GNG12: variants seen among roughly 807,000 people sequenced by gnomAD.
GNG12 encodes the protein G protein subunit gamma 12.
For missense variants in GNG12, 69 were observed against 83.8 expected (o/e 0.82, Z 0.69); for synonymous variants, 28 against 29.7 (o/e 0.94, Z 0.19).
chr1:67,792,209 T>C (rs1050270700), intron 1 of GNG12, among the ~76,000 whole-genome samples: 12 of 146,118 alleles, frequency 8.2e-5, no homozygotes, highest in African/African-American at 3.0e-4. Flanking sequence ...GGAATGTCAA[T>C]GCCGTAAGAA....
chr1:67,805,006 T>TA (rs1646887006), intron 1 of GNG12, among the ~76,000 whole-genome samples: 1 of 152,152 alleles, frequency 6.6e-6, no homozygotes, highest in Non-Finnish European at 1.5e-5. Context: ...CAGAGGAAAC[T>TA]ATTTTTCCAG....
At chr1:67,726,111 C>T (rs1266389719) in intron 2 of GNG12, among the ~76,000 whole-genome samples, 3 of 152,216 alleles carry the variant, frequency 2.0e-5, no homozygotes, top group Admixed American at 6.5e-5. Context: ...ATTTCAGCCT[C>T]AGGTTTCTTG....
chr1:67,753,930 G>T (rs1043727978), intron 2 of GNG12, among the ~76,000 whole-genome samples: 1 of 152,102 alleles, frequency 6.6e-6, no homozygotes, highest in African/African-American at 2.4e-5. Flanking sequence ...TGAGCACTCT[G>T]CCAGGGTAAA....
chr1:67,735,887 T>C (rs1246838562), intron 2 of GNG12, among the ~76,000 whole-genome samples: 1 of 152,198 alleles, frequency 6.6e-6, no homozygotes, highest in Admixed American at 6.5e-5. Flanking sequence ...AAAGTATCTT[T>C]GGCAAAGAGG....
chr1:67,743,806 A>T (rs942283646), intron 2 of GNG12, among the ~76,000 whole-genome samples: 1 of 152,242 alleles, frequency 6.6e-6, no homozygotes, highest in African/African-American at 2.4e-5. Flanking sequence ...GTTATGAGGC[A>T]GACCAGTCAT....
Position 67,782,792 on chromosome 1 carries a change from G to A in GNG12, c.-76-5285C>T, listed in dbSNP as rs187539648. Among the ~76,000 whole-genome samples the A allele has an allele frequency of 1.2e-3, 177 of 152,288 alleles. 2 individuals carry two copies. The highest frequency in any genetic ancestry group is 4.1e-3 in the African/African-American group (171 of 41,576). The stretch of plus-strand genomic sequence containing the variant: ...CCCATTTTTGTACTGAAAGGACAAT[G>A]GCAGTTTTAAAAGGATGGCAAGCTT... On this transcript the variant is annotated intron_variant, in intron 1 of 3. Coordinates refer to ENST00000370982, the MANE Select transcript of GNG12 (RefSeq NM_018841.6).
intron 1 of GNG12, among the ~76,000 whole-genome samples, chr1:67,797,428 A>AG (rs1275251832): frequency 6.6e-6 from 1 of 152,216 alleles, no homozygotes; most frequent in African/African-American, 2.4e-5. Flanking sequence ...ACCATTCAGA[A>AG]GCAAGAAGTC....
chr1:67,833,289 G>T, intron 1 of GNG12, 55 bp downstream of exon 1: 1 of 695,164 alleles, frequency 1.4e-6, no homozygotes, highest in African/African-American at 1.9e-5. Context: ...CCCGCGCCGC[G>T]CCCCGACCCC....
chr1:67,821,810 TAGAATAATG>T (rs1557628253), intron 1 of GNG12, among the ~76,000 whole-genome samples: 2 of 138,300 alleles, frequency 1.4e-5, no homozygotes, highest in South Asian at 2.4e-4. Flanking sequence ...TAGTGGCACA[TAGAATAATG>T]GCACATAGAA....
At chr1:67,758,276 A>C (rs1646581644) in intron 2 of GNG12, among the ~76,000 whole-genome samples, 1 of 152,180 alleles carries the variant, frequency 6.6e-6, no homozygotes, top group African/African-American at 2.4e-5. Context: ...GTCCAGCCCT[A>C]GCTTTGGGTT....
chr1:67,719,043 CAG>C (rs200155840), intron 2 of GNG12, among the ~76,000 whole-genome samples: 1,890 of 152,264 alleles, frequency 0.012, 33 homozygotes, highest in African/African-American at 0.044. Flanking sequence ...TTGTGTCAAA[CAG>C]CTAGCAAGCT....
intron 1 of GNG12, among the ~76,000 whole-genome samples, chr1:67,809,569 T>C (rs1273107003): frequency 6.6e-6 from 1 of 152,112 alleles, no homozygotes. Flanking sequence ...TATAAAGAAC[T>C]CTTAAAACTC....
chr1:67,778,438 G>A (rs1290410273), intron 1 of GNG12, among the ~76,000 whole-genome samples: 1 of 152,002 alleles, frequency 6.6e-6, no homozygotes, highest in Non-Finnish European at 1.5e-5. Context: ...GAAGTCCGAC[G>A]CATATGAAGA....
chr1:67,816,101 G>A (rs889822388), intron 1 of GNG12, among the ~76,000 whole-genome samples: 7 of 152,286 alleles, frequency 4.6e-5, no homozygotes, highest in Admixed American at 2.0e-4. Context: ...GTGAGGCTGC[G>A]GAAGCTGCTA....
intron 1 of GNG12, among the ~76,000 whole-genome samples, chr1:67,795,962 C>T (rs187786447): frequency 2.0e-4 from 31 of 152,312 alleles, no homozygotes; most frequent in East Asian, 7.7e-4. Context: ...CTTTCTCCTA[C>T]GGGTACAATT....
chr1:67,757,164 A>C (rs1444240897), intron 2 of GNG12, among the ~76,000 whole-genome samples: 1 of 152,226 alleles, frequency 6.6e-6, no homozygotes, highest in Non-Finnish European at 1.5e-5. Context: ...TGTTGCATAT[A>C]GGCCTTATAC....
chr1:67,830,933 T>A (rs557024216), intron 1 of GNG12, among the ~76,000 whole-genome samples: 2 of 152,220 alleles, frequency 1.3e-5, no homozygotes, highest in Non-Finnish European at 2.9e-5. Flanking sequence ...GCGTGTTAAG[T>A]CCAGTTTAAG....
chr1:67,769,393 A>C (rs1646659607), intron 2 of GNG12, among the ~76,000 whole-genome samples: 1 of 152,162 alleles, frequency 6.6e-6, no homozygotes, highest in African/African-American at 2.4e-5. Flanking sequence ...CAAATGTCAC[A>C]TGAGCATGAA....
In GNG12 at chr1:67,817,077, A is replaced by G. The variant is rs577600740; in HGVS notation, c.-77+16267T>C. On this transcript the variant is annotated intron_variant, in intron 1 of 3. Coordinates refer to ENST00000370982, the MANE Select transcript of GNG12 (RefSeq NM_018841.6). ...ATCACTGACAATATAAAGATGAAAAAAAGGCCACTGAATTCAACGGGTACA... is the reference window on the plus strand; with the variant it reads ...ATCACTGACAATATAAAGATGAAAAGAAGGCCACTGAATTCAACGGGTACA... Among the ~76,000 whole-genome samples, 3 of 152,376 alleles carry G rather than the reference A, an allele frequency of 2.0e-5. No homozygotes were observed. In the South Asian group the frequency reaches 6.2e-4, roughly 32 times the overall value.
Sources: gnomAD v4.1 joint callset for allele counts (sites outside exome capture counted in the v4.1 genomes callset) on GRCh38, gnomAD v4.1.1 for gene constraint, MANE v1.5 for transcripts, NCBI Gene and HGNC (gene_info 2026-07-23, HGNC 2026-07-21) for gene names.